Variants in HMBOX1 observed in about 807,000 individuals in gnomAD.
The protein encoded by HMBOX1 is homeobox containing 1, also known as homeobox-containing protein 1.
Under a neutral mutation model 54.5 loss-of-function variants are expected in HMBOX1, and 14 were observed. The ratio of observed to expected loss-of-function variants is 0.26; its 90% CI spans 0.17 to 0.40. HMBOX1 has a LOEUF of 0.40. Ranked by LOEUF, HMBOX1 falls within the 10% of genes least tolerant of loss-of-function variation. HMBOX1 has a pLI of 1.00. For missense variants in HMBOX1, 332 were observed against 514.4 expected (o/e 0.65, Z 3.43); for synonymous variants, 160 against 181.0 (o/e 0.88, Z 0.93).
chr8:28,965,314 A>G (rs1281427994), intron 2 of HMBOX1, among the ~76,000 whole-genome samples: 1 of 152,226 alleles, frequency 6.6e-6, no homozygotes, highest in Non-Finnish European at 1.5e-5. Context: ...TTTTTGTCAC[A>G]TATGGTAGAA....
At position 28,997,545 on chromosome 8, in the gene HMBOX1, G is replaced by A. The variant is rs147234572; in HGVS notation, c.587-11527G>A. Among the ~76,000 whole-genome samples the A allele has an allele frequency of 4.0e-3, 604 of 152,086 alleles. 2 individuals carry two copies. Among genetic ancestry groups the A allele is most frequent in the African/African-American group, 0.013 (551 of 41,494 alleles). The stretch of plus-strand genomic sequence containing the variant: ...TTTTACATCTGCATATGTAAGGGAC[G>A]TTAATCTGTAGTTTTTTTTGAGACT... On this transcript the variant is annotated intron_variant, in intron 4 of 9. Coordinates refer to ENST00000287701, the MANE Select transcript of HMBOX1 (RefSeq NM_001135726.3).
At chr8:28,979,169 C>A (rs1342621699) in intron 3 of HMBOX1, among the ~76,000 whole-genome samples, 1 of 152,188 alleles carries the variant, frequency 6.6e-6, no homozygotes, top group Non-Finnish European at 1.5e-5. Flanking sequence ...GAAACCACTG[C>A]TCTGTTTATG....
chr8:28,986,301 C>G (rs1450555536), intron 4 of HMBOX1, among the ~76,000 whole-genome samples: 1 of 152,162 alleles, frequency 6.6e-6, no homozygotes. Flanking sequence ...ACCACAGTTT[C>G]TCTATTCACC....
At chr8:28,966,140 A>G (rs1390557978) in intron 2 of HMBOX1, among the ~76,000 whole-genome samples, 1 of 152,194 alleles carries the variant, frequency 6.6e-6, no homozygotes, top group African/African-American at 2.4e-5. Flanking sequence ...TCTTTGCTCT[A>G]CATGTTTGTA....
intron 1 of HMBOX1, among the ~76,000 whole-genome samples, chr8:28,910,110 A>G (rs1364485946): frequency 6.6e-6 from 1 of 152,174 alleles, no homozygotes; most frequent in Admixed American, 6.5e-5. Context: ...ACCAACCAAA[A>G]TACCTTTTGT....
intron 4 of HMBOX1, among the ~76,000 whole-genome samples, chr8:28,997,458 T>C (rs1319730990): frequency 3.3e-5 from 5 of 152,168 alleles, no homozygotes; most frequent in Non-Finnish European, 7.3e-5. Context: ...CTGGTCATGG[T>C]TTATAATCCT....
chr8:28,974,754 T>G (rs1455925360), intron 3 of HMBOX1, among the ~76,000 whole-genome samples: 2 of 152,208 alleles, frequency 1.3e-5, no homozygotes, highest in African/African-American at 4.8e-5. Flanking sequence ...TGTATGGGAA[T>G]AGGTTTTATT....
At chr8:28,986,998 C>A (rs1035196382) in intron 4 of HMBOX1, among the ~76,000 whole-genome samples, 1 of 152,122 alleles carries the variant, frequency 6.6e-6, no homozygotes, top group African/African-American at 2.4e-5. Flanking sequence ...CAGTTCTCTA[C>A]AGTTATTGAA....
At chr8:28,990,439 C>T (rs1056363708) in intron 4 of HMBOX1, among the ~76,000 whole-genome samples, 11 of 152,092 alleles carry the variant, frequency 7.2e-5, no homozygotes, top group African/African-American at 2.4e-4. Context: ...GTTGAGATGA[C>T]CACCTGGTTT....
chr8:28,956,089 A>T (rs533899302), intron 1 of HMBOX1: 1 of 152,094 alleles, frequency 6.6e-6, no homozygotes, highest in Non-Finnish European at 1.5e-5. Context: ...TTTAAATTTT[A>T]ATATATATCA....
At chr8:28,927,407 G>A (rs1349594621) in intron 1 of HMBOX1, among the ~76,000 whole-genome samples, 2 of 152,180 alleles carry the variant, frequency 1.3e-5, no homozygotes, top group East Asian at 3.9e-4. Context: ...TCATGGTTCT[G>A]CAGGCTATAC....
chr8:28,991,200 A>C (rs1830933553), intron 4 of HMBOX1, among the ~76,000 whole-genome samples: 1 of 152,238 alleles, frequency 6.6e-6, no homozygotes, highest in African/African-American at 2.4e-5. Flanking sequence ...GCAGAATAGA[A>C]TATAGAACAG....
intron 4 of HMBOX1, among the ~76,000 whole-genome samples, chr8:28,990,535 T>C (rs1172554217): frequency 6.6e-6 from 1 of 152,242 alleles, no homozygotes; most frequent in Non-Finnish European, 1.5e-5. Context: ...ATTATCCATT[T>C]TATATTATTT....
intron 1 of HMBOX1, among the ~76,000 whole-genome samples, chr8:28,936,299 C>A (rs1282829814): frequency 6.6e-6 from 1 of 152,020 alleles, no homozygotes; most frequent in Admixed American, 6.5e-5. Context: ...CACTGTTACA[C>A]TCTGTAGTTT....
At chr8:28,973,813 T>TTTTTTTTTTTTTTTTTTG (rs1827892205) in intron 3 of HMBOX1, among the ~76,000 whole-genome samples, 2 of 35,030 alleles carry the variant, frequency 5.7e-5, no homozygotes, top group Non-Finnish European at 1.1e-4. Context: ...GTTTTTTTTT[T>TTTTTTTTTTTTTTTTTTG]TTTTTTTTTT....
At chr8:28,945,434 G>A (rs1822252311) in intron 1 of HMBOX1, among the ~76,000 whole-genome samples, 1 of 152,174 alleles carries the variant, frequency 6.6e-6, no homozygotes, top group Non-Finnish European at 1.5e-5. Context: ...ATTTTAGGAC[G>A]ATTACTTTGT....
In HMBOX1 at chr8:29,009,143, G is replaced by GC; in HGVS notation, c.659dup (p.Phe221IlefsTer8). On this transcript the variant is annotated frameshift_variant, in exon 5 of 10. Coordinates refer to ENST00000287701, the MANE Select transcript of HMBOX1 (RefSeq NM_001135726.3). LOFTEE classifies it high-confidence loss of function. ...AGACCTGAGTGAACAGAAGAAAAGAGCATTTTACCGATGGTATCAACTTGA... is the reference window on the plus strand; with the variant it reads ...AGACCTGAGTGAACAGAAGAAAAGAGCCATTTTACCGATGGTATCAACTTGA... 1 of 1,613,476 alleles carries GC rather than the reference G, an allele frequency of 6.2e-7. No homozygotes were observed. Among genetic ancestry groups the GC allele is most frequent in the African/African-American group, 1.3e-5 (1 of 75,034 alleles).
chr8:28,961,973 C>T (rs988200225), intron 1 of HMBOX1, among the ~76,000 whole-genome samples: 5 of 128,232 alleles, frequency 3.9e-5, no homozygotes, highest in Non-Finnish European at 6.3e-5. Flanking sequence ...TAGCCTTGAA[C>T]GTGTTGCCCA....
Position 28,923,694 on chromosome 8 carries a change from A to G in HMBOX1, c.-58+33016A>G, listed in dbSNP as rs576540064. ...TGAGGAACTCCCAAACTGTTTACAC[A>G]GTGGCTGTACCATTTTATATCCCTA... On this transcript the variant is annotated intron_variant, in intron 1 of 9. Coordinates refer to ENST00000287701, the MANE Select transcript of HMBOX1 (RefSeq NM_001135726.3). 5.9e-5 allele frequency among the ~76,000 whole-genome samples: 9 copies of G among 152,338 alleles called. No individual in the cohort carries two copies. In the East Asian group the frequency reaches 1.5e-3, roughly 26 times the overall value.
Sources: gnomAD v4.1 joint callset for allele counts (sites outside exome capture counted in the v4.1 genomes callset) on GRCh38, gnomAD v4.1.1 for gene constraint, MANE v1.5 for transcripts, NCBI Gene and HGNC (gene_info 2026-07-23, HGNC 2026-07-21) for gene names.